TAB2: variants seen among roughly 807,000 people sequenced by gnomAD.
The protein encoded by TAB2 is TGF-beta activated kinase 1 (MAP3K7) binding protein 2.
Under a neutral mutation model 65.0 loss-of-function variants are expected in TAB2, and 3 were observed. That is an observed-to-expected ratio of 0.05 (90% confidence interval 0.02 to 0.12). The LOEUF (loss-of-function observed/expected upper bound fraction) is 0.12. Among genes scored for constraint, TAB2 ranks in the 10% least tolerant of loss-of-function variants. The pLI is 1.00. For missense variants in TAB2, 623 were observed against 840.3 expected (o/e 0.74, Z 3.20); for synonymous variants, 298 against 285.1 (o/e 1.05, Z -0.46).
At chr6:149,277,771 T>C (rs1369771488) in intron 1 of TAB2, among the ~76,000 whole-genome samples, 1 of 152,232 alleles carries the variant, frequency 6.6e-6, no homozygotes, top group Non-Finnish European at 1.5e-5. Flanking sequence ...TGTACTACCA[T>C]ATAGTATCTA....
chr6:149,355,593 G>A (rs1286425334), intron 1 of TAB2, among the ~76,000 whole-genome samples: 1 of 151,346 alleles, frequency 6.6e-6, no homozygotes, highest in Non-Finnish European at 1.5e-5. Context: ...CTTGAACCCA[G>A]GAGGTGGAGG....
chr6:149,346,267 C>A (rs776978291), intron 1 of TAB2, among the ~76,000 whole-genome samples: 3 of 151,974 alleles, frequency 2.0e-5, no homozygotes, highest in African/African-American at 7.3e-5. Context: ...CACGCATGCA[C>A]GCATGCACAC....
intron 1 of TAB2, among the ~76,000 whole-genome samples, chr6:149,366,485 C>G (rs1419187814): frequency 2.0e-5 from 3 of 152,124 alleles, no homozygotes; most frequent in Admixed American, 6.6e-5. Context: ...TCCTTTGGTT[C>G]ATCAAGCAAG....
In TAB2 at chr6:149,409,643, A is replaced by G. The variant is rs773658843; in HGVS notation, c.2006A>G (p.Asn669Ser). 1 of 1,614,156 alleles carries G rather than the reference A, an allele frequency of 6.2e-7. No homozygotes were observed. The highest frequency in any genetic ancestry group is 8.5e-7 in the Non-Finnish European group (1 of 1,179,962). ...DTEDDEGAQW[N>S]CTACTFLNHP... ...GAAGATGATGAGGGAGCTCAGTGGAATTGTACCGCCTGTACTTTTTTGAAC... is the reference window on the plus strand; with the variant it reads ...GAAGATGATGAGGGAGCTCAGTGGAGTTGTACCGCCTGTACTTTTTTGAAC... The change falls in exon 7 of 7, where the codon AAT (asparagine) becomes AGT (serine). Residue 669 changes from asparagine (N) to serine (S), a missense_variant. Physicochemically the swap from Asn to Ser is conservative, Grantham distance 46. This residue lies in a region of TAB2 where 56 missense variants were observed against 130.3 expected (regional missense o/e 0.43). Transcript: ENST00000637181.
intron 2 of TAB2, among the ~76,000 whole-genome samples, chr6:149,374,888 G>GA (rs1167377418): frequency 6.6e-6 from 1 of 152,100 alleles, no homozygotes. Context: ...CAAATGGCTA[G>GA]AAAAAATTTT....
chr6:149,411,557 A>C lies in TAB2; in HGVS notation c.*1838A>C, dbSNP rs761987902. 6.5e-6 allele frequency: 1 copy of C among 153,454 alleles called. No individual in the cohort carries two copies. Among genetic ancestry groups the C allele is most frequent in the Admixed American group, 6.5e-5 (1 of 15,286 alleles). 9.5% of individuals were successfully genotyped at this position (153,454 alleles called of 1,614,324 possible). ...GTTTTGTGATTTAGCTGGGTAAACT[A>C]TCTTTGTAACAGATAAGTTATTTAT... On this transcript the variant is annotated 3_prime_UTR_variant, in exon 7 of 7. Coordinates refer to ENST00000637181, the MANE Select transcript of TAB2 (RefSeq NM_001292034.3).
At chr6:149,350,617 CTT>C (rs150204735) in intron 1 of TAB2, among the ~76,000 whole-genome samples, 42,606 of 92,116 alleles carry the variant, frequency 0.46, 9,100 homozygotes, top group Middle Eastern at 0.69. Context: ...TATTTTATGT[CTT>C]TTTTTTTTTT....
At chr6:149,324,826 CTTTTT>C (rs35922173) in intron 1 of TAB2, among the ~76,000 whole-genome samples, 5 of 132,796 alleles carry the variant, frequency 3.8e-5, no homozygotes, top group African/African-American at 1.1e-4. Flanking sequence ...GAAAATATTA[CTTTTT>C]TTTTTTTTTT....
At chr6:149,334,660 G>A (rs1406348155) in intron 1 of TAB2, among the ~76,000 whole-genome samples, 1 of 150,958 alleles carries the variant, frequency 6.6e-6, no homozygotes, top group African/African-American at 2.4e-5. Context: ...GGAAAATAGA[G>A]CAAGACCTTG....
intron 6 of TAB2, chr6:149,400,337 G>A: frequency 6.3e-7 from 1 of 1,582,296 alleles, no homozygotes; most frequent in Non-Finnish European, 8.6e-7. Flanking sequence ...CTCGTTAGGT[G>A]CGGACCCGCC....
At chr6:149,370,806 C>T (rs528538683) in intron 2 of TAB2, among the ~76,000 whole-genome samples, 3 of 152,134 alleles carry the variant, frequency 2.0e-5, no homozygotes, top group Admixed American at 2.0e-4. Context: ...TGACTCACTC[C>T]TGTAATCCCA....
intron 1 of TAB2, among the ~76,000 whole-genome samples, chr6:149,303,233 G>A (rs1305445991): frequency 1.3e-5 from 2 of 152,220 alleles, no homozygotes; most frequent in Non-Finnish European, 2.9e-5. Context: ...AGAAATAAAT[G>A]TAATGCTCTT....
intron 1 of TAB2, among the ~76,000 whole-genome samples, chr6:149,281,042 T>C (rs1039020764): frequency 1.3e-5 from 2 of 150,336 alleles, no homozygotes; most frequent in African/African-American, 4.9e-5. Context: ...CAAATGGAAA[T>C]ACAGAACTCC....
chr6:149,309,356 C>A (rs1779126784), intron 1 of TAB2, among the ~76,000 whole-genome samples: 1 of 151,564 alleles, frequency 6.6e-6, no homozygotes, highest in African/African-American at 2.4e-5. Flanking sequence ...TTTGTGTGGT[C>A]AAGTATGTCA....
At chr6:149,353,089 C>A (rs576710759) in intron 1 of TAB2, among the ~76,000 whole-genome samples, 25 of 152,290 alleles carry the variant, frequency 1.6e-4, no homozygotes, top group African/African-American at 5.5e-4. Context: ...GACTTCCCAT[C>A]ACAGTTACTG....
At chr6:149,226,372 G>A (rs1777276657) in intron 1 of TAB2, among the ~76,000 whole-genome samples, 1 of 152,158 alleles carries the variant, frequency 6.6e-6, no homozygotes, top group Non-Finnish European at 1.5e-5. Context: ...ATTAGTCCTC[G>A]GGTGTGAGTC....
At chr6:149,247,696 G>A (rs887039356) in intron 1 of TAB2, 13 of 152,254 alleles carry the variant, frequency 8.5e-5, no homozygotes, top group Non-Finnish European at 1.6e-4. Context: ...GAGGGGACAA[G>A]TGGAGGTGTC....
chr6:149,397,481 A>G, intron 3 of TAB2, 123 bp from the exon 4 acceptor site: 1 of 1,132,756 alleles, frequency 8.8e-7, no homozygotes, highest in Non-Finnish European at 1.3e-6. Flanking sequence ...GCCTAAACTT[A>G]CAATATTTTG....
chr6:149,300,647 C>T (rs1778954363), intron 1 of TAB2, among the ~76,000 whole-genome samples: 1 of 152,160 alleles, frequency 6.6e-6, no homozygotes, highest in African/African-American at 2.4e-5. Flanking sequence ...GGTTAGGAAC[C>T]ATCTTTTACC....
Sources: allele counts gnomAD v4.1 joint callset (sites outside exome capture counted in the v4.1 genomes callset), GRCh38; gene constraint gnomAD v4.1.1; regional missense constraint gnomAD v4.1.1; transcripts MANE v1.5; gene names NCBI Gene and HGNC (gene_info 2026-07-23, HGNC 2026-07-21).